HMGA2: variants seen among roughly 807,000 people sequenced by gnomAD.
HMGA2 encodes the protein high mobility group protein HMGI-C.
In HMGA2, 8 loss-of-function variants were observed where a neutral mutation model predicts 19.1. The observed-to-expected ratio is 0.42, with a 90% CI of 0.25 to 0.76. The LOEUF (loss-of-function observed/expected upper bound fraction) is 0.76, where lower values mean the gene tolerates loss of function less well. HMGA2 is among the 30% of genes least tolerant of loss of function. HMGA2 has a pLI of 0.28. For missense variants in HMGA2, 109 were observed against 136.3 expected (o/e 0.80, Z 1.00); for synonymous variants, 60 against 48.8 (o/e 1.23, Z -0.96).
intron 3 of HMGA2, among the ~76,000 whole-genome samples, chr12:65,900,081 C>T (rs1874310046): frequency 6.6e-6 from 1 of 152,164 alleles, no homozygotes; most frequent in African/African-American, 2.4e-5. Flanking sequence ...TTTAGATTAT[C>T]TTGTATATGT....
intron 3 of HMGA2, among the ~76,000 whole-genome samples, chr12:65,937,474 T>G (rs1875936241): frequency 2.6e-5 from 4 of 152,326 alleles, no homozygotes; most frequent in African/African-American, 9.6e-5. Context: ...CAGTAGACAT[T>G]TAGTCGGCTT....
At chr12:65,893,479 GA>G in intron 3 of HMGA2, among the ~76,000 whole-genome samples, 1 of 152,322 alleles carries the variant, frequency 6.6e-6, no homozygotes, top group African/African-American at 2.4e-5. Context: ...GGTAGCATTT[GA>G]ATCCACCTCT....
chr12:65,827,042 A>G (rs1036576623), intron 1 of HMGA2: 3 of 152,220 alleles, frequency 2.0e-5, no homozygotes, highest in Non-Finnish European at 4.4e-5. Flanking sequence ...AATCTGAATG[A>G]AATGTGAATA....
Position 65,856,649 on chromosome 12 carries a change from G to C in HMGA2, c.249+18080G>C, listed in dbSNP as rs567498441. 2.6e-5 allele frequency: 4 copies of C among 152,472 alleles called. No individual in the cohort carries two copies. The East Asian group carries it at 7.7e-4, about 29-fold the overall frequency. 9.4% of individuals were successfully genotyped at this position (152,472 alleles called of 1,614,324 possible). On this transcript the variant is annotated intron_variant, in intron 3 of 4. Coordinates refer to ENST00000403681, the MANE Select transcript of HMGA2 (RefSeq NM_003483.6). Reference sequence around the variant, plus strand: ...ACAGAAATTTGCTCTTTCACAGTCTGGAAACTGGAAGTCTGACATCATGGT... The same window carrying C: ...ACAGAAATTTGCTCTTTCACAGTCTCGAAACTGGAAGTCTGACATCATGGT...
chr12:65,842,917 T>G (rs538715583), intron 3 of HMGA2: 1 of 1,181,156 alleles, frequency 8.5e-7, no homozygotes, highest in South Asian at 3.7e-5. Flanking sequence ...GTTGTTAACC[T>G]CATGTATAAA....
intron 3 of HMGA2, among the ~76,000 whole-genome samples, chr12:65,920,183 G>A (rs746439220): frequency 2.0e-5 from 3 of 152,230 alleles, no homozygotes; most frequent in East Asian, 1.9e-4. Context: ...AGATGAGTCC[G>A]GGGTAGAAGC....
chr12:65,960,280 C>T (rs1375173605), intron 4 of HMGA2, among the ~76,000 whole-genome samples: 4 of 152,168 alleles, frequency 2.6e-5, no homozygotes, highest in South Asian at 2.1e-4. Flanking sequence ...TTGGGGATGT[C>T]GGAGCCAGCT....
At chr12:65,855,454 T>TCACA (rs1287271542) in intron 3 of HMGA2, among the ~76,000 whole-genome samples, 23 of 100,606 alleles carry the variant, frequency 2.3e-4, no homozygotes, top group African/African-American at 8.7e-4. Context: ...TCTCTCTCTC[T>TCACA]CTCTCACACA....
In HMGA2 at chr12:65,825,875, G is replaced by C. The variant is rs780330563; in HGVS notation, c.111+494G>C. On this transcript the variant is annotated intron_variant, in intron 1 of 4. Transcript: ENST00000403681. The surrounding 1 kb of genome is among the most constrained non-coding windows in gnomAD (Gnocchi z 4.4). ...CGCCTCCCGGGGCTGCTCGCGGGTC[G>C]GGGGCTGGCGCGCCGCAGCCGCCCC... is the stretch of plus-strand genomic sequence containing the variant. 10 of 151,944 alleles carry C rather than the reference G, an allele frequency of 6.6e-5. No homozygotes were observed. Among genetic ancestry groups the C allele is most frequent in the Non-Finnish European group, 1.3e-4 (9 of 68,030 alleles). 9.4% of individuals were successfully genotyped at this position (151,944 alleles called of 1,614,324 possible). A position where few individuals can be genotyped will look rare whatever the true frequency, so the allele number is the denominator to read the frequency against.
chr12:65,831,712 A>G (rs1203844708), intron 2 of HMGA2, among the ~76,000 whole-genome samples: 2 of 151,886 alleles, frequency 1.3e-5, no homozygotes, highest in Non-Finnish European at 1.5e-5. Context: ...AATCATTTGC[A>G]TTTCTCGAAA....
intron 3 of HMGA2, among the ~76,000 whole-genome samples, chr12:65,900,433 C>A (rs1278845209): frequency 5.3e-5 from 8 of 152,188 alleles, no homozygotes; most frequent in Non-Finnish European, 7.3e-5. Context: ...TAGGTCACAG[C>A]ATAGCTGAAT....
chr12:65,960,579 G>T (rs1442952763), intron 4 of HMGA2, among the ~76,000 whole-genome samples: 1 of 152,198 alleles, frequency 6.6e-6, no homozygotes, highest in African/African-American at 2.4e-5. Flanking sequence ...TTCCTTTGAA[G>T]GGTGGCCAGC....
intron 3 of HMGA2, among the ~76,000 whole-genome samples, chr12:65,945,655 C>G (rs965943273): frequency 2.0e-5 from 3 of 152,074 alleles, no homozygotes; most frequent in Non-Finnish European, 4.4e-5. Context: ...CCACACAAGT[C>G]GAGGCTGCTG....
At chr12:65,943,559 G>T (rs944419862) in intron 3 of HMGA2, among the ~76,000 whole-genome samples, 6 of 152,176 alleles carry the variant, frequency 3.9e-5, no homozygotes, top group African/African-American at 1.4e-4. Context: ...CTTTTGAAAT[G>T]ATGCTTACTT....
chr12:65,881,886 C>T (rs1226565747), intron 3 of HMGA2: 17 of 702,562 alleles, frequency 2.4e-5, no homozygotes, highest in Non-Finnish European at 4.4e-5. Context: ...CCCGAGAGAG[C>T]CCCGGTAGGT....
intron 4 of HMGA2, chr12:65,954,728 G>A (rs1360358511): frequency 6.6e-6 from 1 of 152,218 alleles, no homozygotes; most frequent in East Asian, 1.9e-4. Context: ...CAAACATCAA[G>A]TGTGTCCCAT....
intron 3 of HMGA2, among the ~76,000 whole-genome samples, chr12:65,933,699 T>C (rs554759027): frequency 1.3e-5 from 2 of 152,194 alleles, no homozygotes; most frequent in African/African-American, 4.8e-5. Flanking sequence ...TAAAAGATAG[T>C]GGGAGGTATC....
At chr12:65,907,342 A>AGAGGTT (rs1465088236) in intron 3 of HMGA2, among the ~76,000 whole-genome samples, 2 of 150,314 alleles carry the variant, frequency 1.3e-5, no homozygotes. Flanking sequence ...CCAGGGAGGC[A>AGAGGTT]GAGGTTGCAG....
At chr12:65,921,415 A>AT (rs966978656) in intron 3 of HMGA2, among the ~76,000 whole-genome samples, 4 of 151,964 alleles carry the variant, frequency 2.6e-5, no homozygotes, top group East Asian at 1.9e-4. Flanking sequence ...TGCCTGGCTA[A>AT]TTTTTTTATT....
Sources: gnomAD v4.1 joint callset for allele counts (sites outside exome capture counted in the v4.1 genomes callset) on GRCh38, gnomAD v4.1.1 for gene constraint, Gnocchi (gnomAD v3.1) non-coding constraint, MANE v1.5 for transcripts, NCBI Gene and HGNC (gene_info 2026-07-23, HGNC 2026-07-21) for gene names.